The following UBE2R2 variants were observed in gnomAD, a reference collection of about 807,000 sequenced individuals.
UBE2R2 encodes ubiquitin-conjugating enzyme E2 R2.
A neutral mutation model predicts 27.8 loss-of-function variants in UBE2R2; 1 was observed. The ratio of observed to expected loss-of-function variants is 0.04; its 90% CI spans 0.01 to 0.17. UBE2R2 has a LOEUF of 0.17. Ranked by LOEUF, UBE2R2 falls within the 10% of genes least tolerant of loss-of-function variation. UBE2R2 has a pLI of 1.00. For missense variants in UBE2R2, 100 were observed against 291.0 expected (o/e 0.34, Z 4.78); for synonymous variants, 106 against 113.3 (o/e 0.94, Z 0.41).
At chr9:33,901,529 C>A (rs1402595383) in intron 3 of UBE2R2, among the ~76,000 whole-genome samples, 1 of 151,926 alleles carries the variant, frequency 6.6e-6, no homozygotes, top group African/African-American at 2.4e-5. Flanking sequence ...AATTCTTCTG[C>A]ATGGATTGAT....
chr9:33,879,859 C>G (rs947415643), intron 1 of UBE2R2, among the ~76,000 whole-genome samples: 1 of 144,618 alleles, frequency 6.9e-6, no homozygotes, highest in African/African-American at 2.6e-5. Context: ...ATAGTCTGTC[C>G]TTTCCTCTTT....
chr9:33,864,836 C>T (rs899548517), intron 1 of UBE2R2, among the ~76,000 whole-genome samples: 13 of 151,622 alleles, frequency 8.6e-5, no homozygotes, highest in Non-Finnish European at 1.8e-4. Flanking sequence ...GCAATTCTCC[C>T]GCCTCAGCCT....
At chr9:33,815,940 G>A (rs1478634447), upstream of UBE2R2, among the ~76,000 whole-genome samples, 1 of 152,094 alleles carries the variant, frequency 6.6e-6, no homozygotes, top group Admixed American at 6.6e-5. Context: ...CGGGTGTGGA[G>A]GCATGCACCT....
chr9:33,869,033 T>C (rs918520427), intron 1 of UBE2R2, among the ~76,000 whole-genome samples: 4 of 152,130 alleles, frequency 2.6e-5, no homozygotes, highest in Non-Finnish European at 5.9e-5. Context: ...TTTGGGAGAC[T>C]GGGGTGGGTG....
intron 2 of UBE2R2, among the ~76,000 whole-genome samples, chr9:33,892,828 T>C (rs1262451267): frequency 6.6e-6 from 1 of 152,172 alleles, no homozygotes; most frequent in Non-Finnish European, 1.5e-5. Context: ...TTTTATTTAA[T>C]TGGATTTGGA....
intron 1 of UBE2R2, among the ~76,000 whole-genome samples, chr9:33,825,244 C>CTTTTTTT (rs71506138): frequency 2.5e-5 from 3 of 119,638 alleles, no homozygotes; most frequent in South Asian, 3.0e-4. Context: ...AAAAGCAAAG[C>CTTTTTTT]TTTTTTTTTT....
chr9:33,912,430 G>A (rs1208079056), intron 4 of UBE2R2, among the ~76,000 whole-genome samples: 1 of 151,886 alleles, frequency 6.6e-6, no homozygotes, highest in Non-Finnish European at 1.5e-5. Context: ...TTCGAGACCG[G>A]CTGGCCAACA....
intron 3 of UBE2R2, among the ~76,000 whole-genome samples, chr9:33,909,142 C>CATA (rs1339974715): frequency 6.6e-6 from 1 of 152,114 alleles, no homozygotes; most frequent in African/African-American, 2.4e-5. Context: ...TCATCATCAT[C>CATA]GTCGTCGTCA....
chr9:33,829,091 G>T (rs908246002), intron 1 of UBE2R2, among the ~76,000 whole-genome samples: 2 of 152,154 alleles, frequency 1.3e-5, no homozygotes, highest in East Asian at 1.9e-4. Flanking sequence ...GGCTGGGATT[G>T]AATTTACCTC....
intron 1 of UBE2R2, among the ~76,000 whole-genome samples, chr9:33,872,501 G>A (rs760313616): frequency 1.1e-3 from 168 of 152,084 alleles, no homozygotes; most frequent in Middle Eastern, 3.4e-3. Context: ...TTTAAAAATC[G>A]AGGCACCAGG....
rs1451435005 is a variant in UBE2R2 at position 33,918,706 on chromosome 9, A to C, written c.*1469A>C. ...CCGCTATAATGTAAAATCAGATTTC[A>C]GAAGGAAAATGCAGCAAGGACTGAC... On this transcript the variant is annotated 3_prime_UTR_variant, in exon 5 of 5. Coordinates refer to ENST00000263228, the MANE Select transcript of UBE2R2 (RefSeq NM_017811.4). 1 of 152,646 alleles carries C rather than the reference A, an allele frequency of 6.6e-6. No homozygotes were observed. Among genetic ancestry groups the C allele is most frequent in the African/African-American group, 2.4e-5 (1 of 41,458 alleles). 9.5% of individuals were successfully genotyped at this position (152,646 alleles called of 1,614,324 possible).
Position 33,919,290 on chromosome 9 carries a change from TCCCCCAAAATG to T in UBE2R2, c.*2062_*2072del, listed in dbSNP as rs764352395. 2 of 151,918 alleles carry T rather than the reference TCCCCCAAAATG, an allele frequency of 1.3e-5. No individual in the cohort carries two copies. Among genetic ancestry groups the T allele is most frequent in the East Asian group, 3.9e-4 (2 of 5,180 alleles). 9.4% of individuals were successfully genotyped at this position (151,918 alleles called of 1,614,324 possible). On this transcript the variant is annotated 3_prime_UTR_variant, in exon 5 of 5. Transcript: ENST00000263228. ...AAGCCTCTCACAGTGCTGATTTACC[TCCCCCAAAATG>T]CCCCCAAACCCCCATGCAAGTTTAC...
At chr9:33,860,509 G>A (rs961815821) in intron 1 of UBE2R2, among the ~76,000 whole-genome samples, 15 of 152,132 alleles carry the variant, frequency 9.9e-5, no homozygotes, top group African/African-American at 3.6e-4. Context: ...CAGATTCATG[G>A]TTGTATGACA....
intron 1 of UBE2R2, among the ~76,000 whole-genome samples, chr9:33,858,906 C>T (rs560566817): frequency 6.6e-6 from 1 of 152,238 alleles, no homozygotes; most frequent in East Asian, 1.9e-4. Context: ...CTCACTGCAA[C>T]TTCTGCTCCC....
chr9:33,885,440 G>T (rs1821834622), intron 1 of UBE2R2, among the ~76,000 whole-genome samples: 2 of 152,214 alleles, frequency 1.3e-5, no homozygotes, highest in Admixed American at 6.5e-5. Context: ...CAGGGAAAAT[G>T]TTTTCATATT....
chr9:33,838,306 T>C (rs1326976520), intron 1 of UBE2R2, among the ~76,000 whole-genome samples: 2 of 150,240 alleles, frequency 1.3e-5, no homozygotes, highest in South Asian at 4.2e-4. Context: ...ATATTTTTGA[T>C]CCACTGTTGG....
chr9:33,905,402 A>G (rs144294549), intron 3 of UBE2R2, among the ~76,000 whole-genome samples: 67 of 152,318 alleles, frequency 4.4e-4, no homozygotes, highest in African/African-American at 1.6e-3. Context: ...TTTTAAACCC[A>G]ATTCTGGAAC....
chr9:33,841,647 T>C (rs1382542123), intron 1 of UBE2R2, among the ~76,000 whole-genome samples: 3 of 152,166 alleles, frequency 2.0e-5, no homozygotes, highest in Non-Finnish European at 2.9e-5. Flanking sequence ...ATGGGTGATA[T>C]ATATGTATAT....
At chr9:33,860,888 C>G (rs115554740) in intron 1 of UBE2R2, among the ~76,000 whole-genome samples, 11,311 of 150,332 alleles carry the variant, frequency 0.075, 601 homozygotes, top group Non-Finnish European at 0.11. Context: ...CAGACTGAGA[C>G]ACCCCACCCT....
Sources: allele counts gnomAD v4.1 joint callset (sites outside exome capture counted in the v4.1 genomes callset), GRCh38; gene constraint gnomAD v4.1.1; transcripts MANE v1.5; gene names NCBI Gene and HGNC (gene_info 2026-07-23, HGNC 2026-07-21).